PLCG2: variants seen among roughly 807,000 people sequenced by gnomAD.
The protein encoded by PLCG2 is 1-phosphatidylinositol 4,5-bisphosphate phosphodiesterase gamma-2.
Under a neutral mutation model 175.6 loss-of-function variants are expected in PLCG2, and 69 were observed. The ratio of observed to expected loss-of-function variants is 0.39; its 90% confidence interval spans 0.32 to 0.48. The LOEUF (loss-of-function observed/expected upper bound fraction) is 0.48. Among genes scored for constraint, PLCG2 ranks in the 20% least tolerant of loss-of-function variants. PLCG2 has a pLI of 0.91. For synonymous variants in PLCG2, 827 were observed against 624.0 expected (o/e 1.33, Z -4.85); for missense variants, 1,798 against 1,650.9 (o/e 1.09, Z -1.54).
chr16:81,818,436 T>G (rs1397264145), intron 2 of PLCG2, among the ~76,000 whole-genome samples: 1 of 152,216 alleles, frequency 6.6e-6, no homozygotes, highest in Non-Finnish European at 1.5e-5. Context: ...GTGTCATGCA[T>G]GATGACTAGC....
At chr16:81,750,651 T>C (rs1216546545) in intron 1 of PLCG2, among the ~76,000 whole-genome samples, 4 of 139,498 alleles carry the variant, frequency 2.9e-5, no homozygotes, top group Non-Finnish European at 6.2e-5. Context: ...AAAAGCAGAA[T>C]GGGGACTGGA....
chr16:81,958,361 T>A lies in PLCG2; in HGVS notation c.*363T>A. On this transcript the variant is annotated 3_prime_UTR_variant, in exon 33 of 33. Transcript: ENST00000564138. ...ATTTCTTTTCTGGCCAAGAAGATTCTACCTCTAATGATCCAGGTAACTGAT... is the reference window on the plus strand; with the variant it reads ...ATTTCTTTTCTGGCCAAGAAGATTCAACCTCTAATGATCCAGGTAACTGAT... 1 of 267,772 alleles carries A rather than the reference T, an allele frequency of 3.7e-6. No individual in the cohort carries two copies. The highest frequency in any genetic ancestry group is 5.5e-5 in the East Asian group (1 of 18,068). The allele number at this position is 267,772 out of a possible 1,614,324, so 16.6% of individuals were successfully genotyped here.
In PLCG2 at chr16:81,957,966, AAG is replaced by A; in HGVS notation, c.3771_3772del (p.Arg1257SerfsTer16). On this transcript the variant is annotated frameshift_variant, in exon 33 of 33. Transcript: ENST00000564138. LOFTEE classifies it high-confidence loss of function. ...QEKCNKRLRE[K>X]RVSNSKFYS is the part of the protein sequence containing the mutation. ...TCTGTTTTATTTCAGGTTAAGAGAGAAGAGAGTCAGCAACAGCAAGTTTTACT... is the reference window on the plus strand; with the variant it reads ...TCTGTTTTATTTCAGGTTAAGAGAGAAGAGTCAGCAACAGCAAGTTTTACT... 6.2e-7 allele frequency: 1 copy of A among 1,613,848 alleles called. No individual in the cohort carries two copies. The highest frequency in any genetic ancestry group is 8.5e-7 in the Non-Finnish European group (1 of 1,179,718).
Position 81,959,484 on chromosome 16 carries a change from T to C in PLCG2, c.*1486T>C, listed in dbSNP as rs1911701984. 1 of 214,682 alleles carries C rather than the reference T, an allele frequency of 4.7e-6. No homozygotes were observed. Among genetic ancestry groups the C allele is most frequent in the African/African-American group, 2.3e-5 (1 of 44,300 alleles). 13.3% of individuals were successfully genotyped at this position (214,682 alleles called of 1,614,324 possible). A position where few individuals can be genotyped will look rare whatever the true frequency, so the allele number is the denominator to read the frequency against. ...AACAAAAAGCTGTGGGTCTCATCAA[T>C]CATCTCCATCCACAAGCTCCTAAAA... On this transcript the variant is annotated 3_prime_UTR_variant, in exon 33 of 33. Coordinates refer to ENST00000564138, the MANE Select transcript of PLCG2 (RefSeq NM_002661.5).
intron 5 of PLCG2, among the ~76,000 whole-genome samples, chr16:81,861,000 A>AAACAAAAAAC (rs1906952143): frequency 6.6e-6 from 1 of 151,980 alleles, no homozygotes; most frequent in South Asian, 2.1e-4. Flanking sequence ...AAAACCAACC[A>AAACAAAAAAC]AACAAAAAAC....
At chr16:81,850,377 G>T (rs780549675) in intron 2 of PLCG2, among the ~76,000 whole-genome samples, 1 of 152,196 alleles carries the variant, frequency 6.6e-6, no homozygotes, top group African/African-American at 2.4e-5. Context: ...AAAAGTTTCA[G>T]TGCACGAAAA....
chr16:81,807,991 C>G (rs1665919729), intron 2 of PLCG2, among the ~76,000 whole-genome samples: 1 of 152,236 alleles, frequency 6.6e-6, no homozygotes, highest in Non-Finnish European at 1.5e-5. Context: ...CAGACCCCAC[C>G]TCCAGTACTG....
At chr16:81,902,769 A>C (rs1026879609) in intron 14 of PLCG2, among the ~76,000 whole-genome samples, 3 of 152,182 alleles carry the variant, frequency 2.0e-5, no homozygotes, top group African/African-American at 7.2e-5. Flanking sequence ...TTTATAAAGG[A>C]AAGAGGTTTA....
chr16:81,912,721 G>A lies in PLCG2; in HGVS notation c.2054+5G>A, dbSNP rs1345355820. 3 of 1,593,980 alleles carry A rather than the reference G, an allele frequency of 1.9e-6. No individual in the cohort carries two copies. The highest frequency in any genetic ancestry group is 2.2e-5 in the East Asian group (1 of 44,460). On this transcript the variant is annotated splice_donor_5th_base_variant and intron_variant, in intron 19 of 32. Transcript: ENST00000564138. ...CTCCTATGCCATCACCTTCAGGTGGGTGCGAGGGTGGGAGGCACATGCTCT... is the reference window on the plus strand; with the variant it reads ...CTCCTATGCCATCACCTTCAGGTGGATGCGAGGGTGGGAGGCACATGCTCT...
chr16:81,835,880 C>A lies in PLCG2; in HGVS notation c.194-18564C>A, dbSNP rs1459364057. The stretch of plus-strand genomic sequence containing the variant: ...CCTTGGCTGGTGGATATTGGCACTC[C>A]CATCTCTCCCTCTGAGTGTGTCTCT... On this transcript the variant is annotated intron_variant, in intron 2 of 32. Coordinates refer to ENST00000564138, the MANE Select transcript of PLCG2 (RefSeq NM_002661.5). 3.9e-5 allele frequency among the ~76,000 whole-genome samples: 6 copies of A among 152,024 alleles called. No homozygotes were observed. In the East Asian group the frequency reaches 9.7e-4, roughly 24 times the overall value.
intron 2 of PLCG2, among the ~76,000 whole-genome samples, chr16:81,849,179 G>A (rs1027791952): frequency 2.0e-5 from 3 of 152,150 alleles, no homozygotes; most frequent in African/African-American, 7.2e-5. Flanking sequence ...ATCCCAAGGA[G>A]TGGCATGAGC....
At chr16:81,860,269 C>T (rs1467854593) in intron 5 of PLCG2, among the ~76,000 whole-genome samples, 1 of 145,484 alleles carries the variant, frequency 6.9e-6, no homozygotes, top group Non-Finnish European at 1.5e-5. Flanking sequence ...AATGCATTGT[C>T]ATTTCGGAAA....
intron 2 of PLCG2, among the ~76,000 whole-genome samples, chr16:81,799,732 A>G (rs112412945): frequency 1.3e-5 from 2 of 151,552 alleles, no homozygotes; most frequent in African/African-American, 4.9e-5. Flanking sequence ...AGCTGGGACT[A>G]CAGGCGCCCG....
rs114516822 is a variant in PLCG2, at chr16:81,883,763, C to T, written c.765+422C>T. Among the ~76,000 whole-genome samples the T allele has an allele frequency of 3.7e-3, 557 of 152,316 alleles. 4 individuals carry two copies. Among genetic ancestry groups the T allele is most frequent in the African/African-American group, 0.013 (537 of 41,572 alleles). ...ATCAGATTCATCAAGCCTGCCAGGT[C>T]CCCTGGGAGATAAACTAGCACAGCT... is the stretch of plus-strand genomic sequence containing the variant. On this transcript the variant is annotated intron_variant, in intron 9 of 32. Coordinates refer to ENST00000564138, the MANE Select transcript of PLCG2 (RefSeq NM_002661.5).
intron 12 of PLCG2, 182 bp from the exon 13 acceptor site, chr16:81,895,625 A>G: frequency 1.7e-6 from 1 of 595,060 alleles, no homozygotes; most frequent in Non-Finnish European, 3.0e-6. Context: ...CTGCACTTGC[A>G]TTATGTAAGC....
At position 81,859,167 on chromosome 16, in the gene PLCG2, A is replaced by G. The variant is rs1906835168; in HGVS notation, c.479+4A>G. 4 of 1,578,460 alleles carry G rather than the reference A, an allele frequency of 2.5e-6. No homozygotes were observed. The East Asian group carries it at 6.7e-5, about 26-fold the overall frequency. The stretch of plus-strand genomic sequence containing the variant: ...TGGATCAAACCAGAAGAAACAGGTA[A>G]GAGTCATTCAGTTTTTTTCTGATCA... On this transcript the variant is annotated splice_donor_region_variant and intron_variant, in intron 5 of 32. Coordinates refer to ENST00000564138, the MANE Select transcript of PLCG2 (RefSeq NM_002661.5).
chr16:81,942,964 G>T (rs1473184476), intron 30 of PLCG2, among the ~76,000 whole-genome samples: 1 of 151,936 alleles, frequency 6.6e-6, no homozygotes, highest in Non-Finnish European at 1.5e-5. Context: ...GCATAAAAAT[G>T]GGACTTGGGC....
intron 12 of PLCG2, among the ~76,000 whole-genome samples, chr16:81,894,988 C>G (rs1416983923): frequency 1.3e-5 from 2 of 152,196 alleles, no homozygotes; most frequent in Non-Finnish European, 2.9e-5. Flanking sequence ...AGCAGTTACT[C>G]TATAGACTTT....
chr16:81,911,999 G>T (rs961739933), intron 18 of PLCG2, among the ~76,000 whole-genome samples: 2 of 151,764 alleles, frequency 1.3e-5, no homozygotes, highest in Non-Finnish European at 2.9e-5. Context: ...GGGTTTCACC[G>T]TGTTAGCCAG....
Sources: gnomAD v4.1 joint callset for allele counts (sites outside exome capture counted in the v4.1 genomes callset) on GRCh38, gnomAD v4.1.1 for gene constraint, MANE v1.5 for transcripts, NCBI Gene and HGNC (gene_info 2026-07-23, HGNC 2026-07-21) for gene names.